STXBP5L: variants seen among roughly 807,000 people sequenced by gnomAD.
STXBP5L encodes syntaxin-binding protein 5-like.
Under a neutral mutation model 144.5 loss-of-function variants are expected in STXBP5L, and 65 were observed. That is an observed-to-expected ratio of 0.45 (90% CI 0.37 to 0.55). The LOEUF (loss-of-function observed/expected upper bound fraction) is 0.55, where lower values mean the gene tolerates loss of function less well. Ranked by LOEUF, STXBP5L falls within the 20% of genes least tolerant of loss-of-function variation. STXBP5L has a pLI of 0.00. For synonymous variants in STXBP5L, 505 were observed against 469.6 expected, an observed-to-expected ratio of 1.08 and a Z score of -0.97; for missense variants, 1,298 against 1,405.5, an observed-to-expected ratio of 0.92 and a Z score of 1.22.
chr3:121,353,598 G>A (rs565864184), intron 20 of STXBP5L, among the ~76,000 whole-genome samples: 1 of 151,990 alleles, frequency 6.6e-6, no homozygotes, highest in Non-Finnish European at 1.5e-5. Context: ...TCTTGGTAGT[G>A]GTCTATCAAT....
chr3:121,422,416 C>T lies in STXBP5L; in HGVS notation c.*3319C>T, dbSNP rs1186578916. 6.6e-6 allele frequency: 1 copy of T among 152,078 alleles called. No homozygotes were observed. The highest frequency in any genetic ancestry group is 1.5e-5 in the Non-Finnish European group (1 of 67,988). The allele number at this position is 152,078 out of a possible 1,614,324, so 9.4% of individuals were successfully genotyped here. A position where few individuals can be genotyped will look rare whatever the true frequency, so the allele number is the denominator to read the frequency against. ...GGAAGATAAGGCCTTTTTAGTGTTA[C>T]AGTAGAAAATGGGCCTTTTCATTTA... On this transcript the variant is annotated 3_prime_UTR_variant, in exon 27 of 27. Transcript: ENST00000471454.
At chr3:120,959,916 A>C (rs897272807) in intron 3 of STXBP5L, among the ~76,000 whole-genome samples, 1 of 152,210 alleles carries the variant, frequency 6.6e-6, no homozygotes, top group Non-Finnish European at 1.5e-5. Flanking sequence ...GGATCTAATT[A>C]AACTAAAGAG....
chr3:121,314,920 C>G (rs2043726769), intron 19 of STXBP5L, among the ~76,000 whole-genome samples: 1 of 152,128 alleles, frequency 6.6e-6, no homozygotes, highest in African/African-American at 2.4e-5. Context: ...AAATGCAAAT[C>G]AAAACCACAA....
chr3:121,046,707 CT>C (rs1349859177), intron 5 of STXBP5L, among the ~76,000 whole-genome samples: 1 of 151,916 alleles, frequency 6.6e-6, no homozygotes, highest in Non-Finnish European at 1.5e-5. Flanking sequence ...GTGGTAATGT[CT>C]TTTTTGGCAT....
At chr3:121,226,731 A>C (rs190765556) in intron 11 of STXBP5L, among the ~76,000 whole-genome samples, 15 of 152,314 alleles carry the variant, frequency 9.8e-5, no homozygotes, top group Admixed American at 2.0e-4. Flanking sequence ...GGCAATGCAC[A>C]ATGTTACAAT....
chr3:120,936,642 C>T (rs1710279743), intron 2 of STXBP5L, among the ~76,000 whole-genome samples: 2 of 151,774 alleles, frequency 1.3e-5, no homozygotes, highest in Admixed American at 1.3e-4. Flanking sequence ...CAGAGTCTCG[C>T]TCTGTCTCCC....
intron 5 of STXBP5L, among the ~76,000 whole-genome samples, chr3:121,064,848 GAGCAT>G (rs1224331692): frequency 6.6e-6 from 1 of 152,168 alleles, no homozygotes; most frequent in Non-Finnish European, 1.5e-5. Context: ...CCCAGGTGGT[GAGCAT>G]AGTACCAAAT....
chr3:121,060,355 G>C (rs185816762), intron 5 of STXBP5L, among the ~76,000 whole-genome samples: 120 of 152,248 alleles, frequency 7.9e-4, no homozygotes, highest in African/African-American at 2.7e-3. Flanking sequence ...TTTTTGATGT[G>C]CTGCTGGACT....
At chr3:120,985,711 A>G (rs900288957) in intron 3 of STXBP5L, among the ~76,000 whole-genome samples, 3 of 151,874 alleles carry the variant, frequency 2.0e-5, no homozygotes, top group African/African-American at 4.8e-5. Context: ...TTGATGTGTA[A>G]TTGTTATAGG....
chr3:121,190,153 G>A (rs1795392), intron 9 of STXBP5L, among the ~76,000 whole-genome samples: 119,592 of 152,032 alleles, frequency 0.79, 47,273 homozygotes, highest in East Asian at 0.93. Context: ...GAAGGTCAGC[G>A]GATAAACATG....
At chr3:121,011,541 C>A (rs533550010) in intron 3 of STXBP5L, among the ~76,000 whole-genome samples, 1 of 151,732 alleles carries the variant, frequency 6.6e-6, no homozygotes, top group Admixed American at 6.6e-5. Flanking sequence ...CAAGCTTCAT[C>A]CTCATTTACC....
chr3:121,308,481 G>A (rs754869991), intron 19 of STXBP5L, among the ~76,000 whole-genome samples: 2 of 152,090 alleles, frequency 1.3e-5, no homozygotes, highest in Non-Finnish European at 2.9e-5. Flanking sequence ...AGGTAACTAT[G>A]TAATTATGAA....
intron 3 of STXBP5L, among the ~76,000 whole-genome samples, chr3:120,990,943 C>A (rs1019785428): frequency 6.6e-6 from 1 of 152,168 alleles, no homozygotes; most frequent in Non-Finnish European, 1.5e-5. Flanking sequence ...GACTAAAACA[C>A]CAAAAGCAAT....
At chr3:121,404,647 G>A (rs1357929716) in intron 22 of STXBP5L, among the ~76,000 whole-genome samples, 1 of 152,086 alleles carries the variant, frequency 6.6e-6, no homozygotes, top group Non-Finnish European at 1.5e-5. Context: ...TAAAGAATCT[G>A]AGATTTTATT....
At position 121,143,781 on chromosome 3, in the gene STXBP5L, A is replaced by G. The variant is rs111590775; in HGVS notation, c.670-8696A>G. Among the ~76,000 whole-genome samples the G allele has an allele frequency of 2.5e-3, 378 of 151,958 alleles. 2 individuals carry two copies. Among genetic ancestry groups the G allele is most frequent in the African/African-American group, 8.5e-3 (355 of 41,528 alleles). ...ATAAGAATGTAATTAGACCTTTTTC[A>G]TACATCTTACTAAAAACATCAATTC... On this transcript the variant is annotated intron_variant, in intron 7 of 26. Coordinates refer to ENST00000471454, the MANE Select transcript of STXBP5L (RefSeq NM_001308330.2).
intron 8 of STXBP5L, 60 bp from the exon 9 acceptor site, chr3:121,157,444 G>A (rs1274628525): frequency 2.1e-6 from 3 of 1,456,694 alleles, no homozygotes; most frequent in Non-Finnish European, 2.7e-6. Context: ...TTGGAATATA[G>A]AATGATATAA....
At chr3:121,119,714 G>A (rs1038816843) in intron 6 of STXBP5L, among the ~76,000 whole-genome samples, 1 of 151,246 alleles carries the variant, frequency 6.6e-6, no homozygotes, top group South Asian at 2.1e-4. Context: ...GAAGTTTAAT[G>A]TTAGGGAACA....
chr3:120,928,999 T>C (rs1003810615), intron 2 of STXBP5L, among the ~76,000 whole-genome samples: 1 of 151,960 alleles, frequency 6.6e-6, no homozygotes, highest in African/African-American at 2.4e-5. Context: ...TGGGAGAGCT[T>C]TGTGGTGAAA....
At chr3:121,138,247 A>G (rs2045350462) in intron 7 of STXBP5L, among the ~76,000 whole-genome samples, 1 of 152,092 alleles carries the variant, frequency 6.6e-6, no homozygotes. Context: ...AGACATTGAT[A>G]AGAGAATTGA....
Sources: allele counts gnomAD v4.1 joint callset (sites outside exome capture counted in the v4.1 genomes callset), GRCh38; gene constraint gnomAD v4.1.1; transcripts MANE v1.5; gene names NCBI Gene and HGNC (gene_info 2026-07-23, HGNC 2026-07-21).